Variants in CDK12 observed in about 807,000 individuals in gnomAD.
CDK12 encodes cyclin dependent kinase 12.
CDK12 carries 17 observed loss-of-function variants against 133.8 expected under a neutral mutation model. The observed-to-expected ratio is 0.13, with a 90% confidence interval of 0.09 to 0.19. The LOEUF is 0.19. Among genes scored for constraint, CDK12 ranks in the 10% least tolerant of loss-of-function variants. The pLI is 1.00. For missense variants in CDK12, 1,508 were observed against 1,818.7 expected (o/e 0.83, Z 3.11); for synonymous variants, 694 against 683.6 (o/e 1.02, Z -0.24).
intron 1 of CDK12, among the ~76,000 whole-genome samples, chr17:39,464,585 TA>T (rs921130987): frequency 6.6e-6 from 1 of 151,936 alleles, no homozygotes; most frequent in Non-Finnish European, 1.5e-5. Context: ...TTACAATTCA[TA>T]AATGGTGTGA....
intron 1 of CDK12, among the ~76,000 whole-genome samples, chr17:39,467,678 T>TG (rs777865523): frequency 1.3e-5 from 2 of 152,178 alleles, no homozygotes; most frequent in Non-Finnish European, 2.9e-5. Flanking sequence ...ATTAGTGTTT[T>TG]GGGTTTTACA....
chr17:39,471,819 C>A, intron 2 of CDK12, 56 bp downstream of exon 2: 1 of 1,426,678 alleles, frequency 7.0e-7, no homozygotes, highest in Non-Finnish European at 9.6e-7. Flanking sequence ...AAAGCATTTT[C>A]TGTTTTAATC....
chr17:39,474,664 G>A (rs1191497024), intron 2 of CDK12, among the ~76,000 whole-genome samples: 1 of 151,580 alleles, frequency 6.6e-6, no homozygotes, highest in African/African-American at 2.4e-5. Flanking sequence ...GGGTGAGAAA[G>A]TATGTTTTTT....
chr17:39,480,082 C>T (rs1369556548), intron 2 of CDK12, among the ~76,000 whole-genome samples: 1 of 151,810 alleles, frequency 6.6e-6, no homozygotes, highest in Non-Finnish European at 1.5e-5. Flanking sequence ...CGCCATCACG[C>T]CTAGCTAATT....
At chr17:39,494,120 C>T (rs934827276) in intron 4 of CDK12, among the ~76,000 whole-genome samples, 1 of 152,068 alleles carries the variant, frequency 6.6e-6, no homozygotes, top group African/African-American at 2.4e-5. Flanking sequence ...TGCAATGATG[C>T]GATCTCAGCT....
At position 39,530,932 on chromosome 17, in the gene CDK12, A is replaced by T; in HGVS notation, c.4089A>T (p.Thr1363=). The T allele has an allele frequency of 6.2e-7, 1 of 1,614,240 alleles. No homozygotes were observed. The highest frequency in any genetic ancestry group is 8.5e-7 in the Non-Finnish European group (1 of 1,180,048). The stretch of plus-strand genomic sequence containing the variant: ...AACGAAACTCTGGTCCAGCCTTGAC[A>T]GAATCCTTGGTCCAGACCCTGGTGA... ...TDERNSGPAL[T]ESLVQTLVKN... Residue 1363 remains threonine (T), a synonymous_variant, in exon 14 of 14, where the codon ACA becomes ACT. Transcript: ENST00000447079.
chr17:39,509,929 G>A (rs2053376231), intron 7 of CDK12, among the ~76,000 whole-genome samples, 168 bp downstream of exon 7: 1 of 151,876 alleles, frequency 6.6e-6, no homozygotes, highest in South Asian at 2.1e-4. Context: ...AGTCTCACAA[G>A]TAGCTGGAAC....
chr17:39,492,721 A>G, intron 3 of CDK12, 30 bp from the exon 4 acceptor site: 2 of 1,587,258 alleles, frequency 1.3e-6, no homozygotes, highest in Non-Finnish European at 1.7e-6. Context: ...CATTTTCTTA[A>G]ATAACTATTT....
At chr17:39,505,259 G>C (rs1383905583) in intron 6 of CDK12, among the ~76,000 whole-genome samples, 4 of 146,956 alleles carry the variant, frequency 2.7e-5, no homozygotes, top group African/African-American at 1.0e-4. Flanking sequence ...AGGCGCGGTG[G>C]CTCACACCTG....
In CDK12 at chr17:39,462,998, G is replaced by C. The variant is rs1253651700; in HGVS notation, c.927G>C (p.Arg309=). The part of the protein sequence containing the change: ...QRSVSPYSRR[R]SSSYERSGSY... ...CTGTCAGTCCCTATAGCAGGAGACG[G>C]TCGTCCAGCTACGAAAGAAGTGGCT... The change falls in exon 1 of 14, where the codon CGG becomes CGC. Residue 309 remains arginine, a synonymous_variant. Transcript: ENST00000447079. 6.2e-7 allele frequency: 1 copy of C among 1,614,160 alleles called. No individual in the cohort carries two copies.
rs1567706135 is a variant in CDK12 at position 39,481,648 on chromosome 17, CT to C, written c.1932-8908del. 3.6e-3 allele frequency among the ~76,000 whole-genome samples: 46 copies of C among 12,712 alleles called. 1 individual carries two copies. The highest frequency in any genetic ancestry group is 8.9e-3 in the Non-Finnish European group (41 of 4,616). 8.3% of individuals were successfully genotyped at this position (12,712 alleles called of 152,430 possible). ...TCGCTCGCGCGCTCTCTCTCTCTCT[CT>C]CTCTCTCTCTCTCTCTCTCTCTCTC... On this transcript the variant is annotated intron_variant, in intron 2 of 13. Transcript: ENST00000447079.
At chr17:39,512,400 G>C (rs1227197991) in intron 8 of CDK12, among the ~76,000 whole-genome samples, 1 of 152,202 alleles carries the variant, frequency 6.6e-6, no homozygotes, top group Admixed American at 6.5e-5. Flanking sequence ...TGGTACATCA[G>C]AGTTGGAAGG....
chr17:39,554,804 G>A (rs919082485), intron 2 of CDK12, among the ~76,000 whole-genome samples: 1 of 151,726 alleles, frequency 6.6e-6, no homozygotes, highest in Non-Finnish European at 1.5e-5. Context: ...GCTTGAGCCC[G>A]GGAGGCAGAG....
rs187870559 is a variant in CDK12, at chr17:39,532,943, C to T, written c.*1627C>T. ...CCTTCAGGAAACATAGGTTAAGCCC[C>T]CTTTTACAAAGAAAAAGTAAACATA... On this transcript the variant is annotated 3_prime_UTR_variant, in exon 14 of 14. Transcript: ENST00000447079. The T allele has an allele frequency of 8.6e-6, 2 of 232,848 alleles. No homozygotes were observed. Among genetic ancestry groups the T allele is most frequent in the East Asian group, 6.0e-5 (1 of 16,620 alleles). 14.4% of individuals were successfully genotyped at this position (232,848 alleles called of 1,614,324 possible).
Position 39,526,051 on chromosome 17 carries a change from CCAG to C in CDK12, c.3502_3504del (p.Gln1168del), listed in dbSNP as rs1459938592. 6.2e-7 allele frequency: 1 copy of C among 1,614,186 alleles called. No homozygotes were observed. Among genetic ancestry groups the C allele is most frequent in the South Asian group, 1.1e-5 (1 of 91,086 alleles). On this transcript the variant is annotated inframe_deletion, in exon 13 of 14. Transcript: ENST00000447079. ...TCAGTGCCCTGACGGAAGCTACTTC[CCAG>C]CAGCAGGACTCAGAGACCATGGCCC...
intron 12 of CDK12, among the ~76,000 whole-genome samples, chr17:39,525,220 C>T (rs2054424034): frequency 6.6e-6 from 1 of 151,892 alleles, no homozygotes; most frequent in African/African-American, 2.4e-5. Context: ...TAATTTGGAG[C>T]CTTGTTTATA....
chr17:39,539,128 A>G (rs533714189), downstream of CDK12, among the ~76,000 whole-genome samples: 1 of 152,202 alleles, frequency 6.6e-6, no homozygotes, highest in African/African-American at 2.4e-5. Flanking sequence ...TAACTTCTCC[A>G]TTCCTAGAGA....
intron 6 of CDK12, among the ~76,000 whole-genome samples, chr17:39,504,679 G>A (rs887783210): frequency 6.6e-6 from 1 of 151,700 alleles, no homozygotes. Context: ...AGGAGTTCGA[G>A]ACCAGCCTGG....
chr17:39,466,326 A>G (rs1233495445), intron 1 of CDK12, among the ~76,000 whole-genome samples: 1 of 150,794 alleles, frequency 6.6e-6, no homozygotes, highest in Non-Finnish European at 1.5e-5. Flanking sequence ...AAAAAAAGAA[A>G]GAAAAAGGCC....
Sources: allele counts gnomAD v4.1 joint callset (sites outside exome capture counted in the v4.1 genomes callset), GRCh38; gene constraint gnomAD v4.1.1; transcripts MANE v1.5; gene names NCBI Gene and HGNC (gene_info 2026-07-23, HGNC 2026-07-21).